The following PRDM10 variants were observed in gnomAD, a reference collection of about 807,000 sequenced individuals.
PRDM10 encodes PR/SET domain 10, also known as PR domain zinc finger protein 10.
PRDM10 carries 65 observed loss-of-function variants against 133.1 expected under a neutral mutation model. The observed-to-expected ratio is 0.49, with a 90% CI of 0.40 to 0.60. PRDM10 has a LOEUF of 0.60. Among genes scored for constraint, PRDM10 ranks in the 20% least tolerant of loss-of-function variants. The pLI, the probability that PRDM10 is intolerant of heterozygous loss-of-function variation, is 0.00. For synonymous variants in PRDM10, 582 were observed against 580.4 expected (o/e 1.00, Z -0.04); for missense variants, 1,137 against 1,507.1 (o/e 0.75, Z 4.07).
chr11:129,903,822 A>G (rs2135702448), intron 20 of PRDM10, among the ~76,000 whole-genome samples: 1 of 152,220 alleles, frequency 6.6e-6, no homozygotes, highest in Admixed American at 6.5e-5. Flanking sequence ...CCTAGGGTCC[A>G]TTGACTCCTA....
intron 4 of PRDM10, among the ~76,000 whole-genome samples, chr11:129,951,769 A>G (rs1951587871): frequency 6.6e-6 from 1 of 152,188 alleles, no homozygotes; most frequent in East Asian, 1.9e-4. Context: ...GGGGAGTCAC[A>G]CATGTTCATT....
chr11:129,929,693 G>A (rs539738355), intron 11 of PRDM10, among the ~76,000 whole-genome samples: 1 of 150,722 alleles, frequency 6.6e-6, no homozygotes, highest in Admixed American at 6.6e-5. Flanking sequence ...AATTACGGCT[G>A]GACTGTGTTT....
intron 4 of PRDM10, among the ~76,000 whole-genome samples, chr11:129,952,354 T>C (rs1311326609): frequency 6.6e-6 from 1 of 152,212 alleles, no homozygotes; most frequent in African/African-American, 2.4e-5. Flanking sequence ...GGCACCCTTG[T>C]ATACTATACT....
intron 1 of PRDM10, among the ~76,000 whole-genome samples, chr11:129,998,624 C>G (rs1939184000): frequency 6.6e-6 from 1 of 152,164 alleles, no homozygotes; most frequent in Non-Finnish European, 1.5e-5. Flanking sequence ...TTCCACTCCA[C>G]TTCCTCACCC....
chr11:129,990,130 G>A (rs1591702917), intron 1 of PRDM10, among the ~76,000 whole-genome samples: 1 of 151,996 alleles, frequency 6.6e-6, no homozygotes, highest in East Asian at 1.9e-4. Context: ...TGGATCACAA[G>A]GTCAGGAGAT....
intron 1 of PRDM10, among the ~76,000 whole-genome samples, chr11:129,979,923 C>T (rs1938010683): frequency 2.0e-5 from 3 of 152,234 alleles, no homozygotes; most frequent in Admixed American, 2.0e-4. Flanking sequence ...AGGCATATGT[C>T]CCCTAACTAA....
Position 129,960,934 on chromosome 11 carries a change from A to T in PRDM10, c.31T>A (p.Trp11Arg), listed in dbSNP as rs1247602974. Reference sequence around the variant, plus strand: ...TGTTCATGCTCTGCAGATGTCGGCCACACATGCGAGCTTTCATCTTTGGAA... The same window carrying T: ...TGTTCATGCTCTGCAGATGTCGGCCTCACATGCGAGCTTTCATCTTTGGAA... Reference protein sequence around the residue: MDSKDESSHVWPTSAEHEQNA... With the variant: MDSKDESSHVRPTSAEHEQNA... Residue 11 changes from tryptophan (W) to arginine (R), a missense_variant, in exon 2 of 21, where the codon TGG (tryptophan) becomes AGG (arginine). By Grantham distance (101) the Trp-to-Arg change is moderately radical (BLOSUM62 -3). Around this residue, in one of 6 missense-constraint regions of PRDM10, gnomAD observed 635 missense variants for 835.2 expected, o/e 0.76. Coordinates refer to ENST00000360871, the MANE Select transcript of PRDM10 (RefSeq NM_199437.2). 2 of 1,614,158 alleles carry T rather than the reference A, an allele frequency of 1.2e-6. No individual in the cohort carries two copies. Among genetic ancestry groups the T allele is most frequent in the Admixed American group, 3.3e-5 (2 of 60,014 alleles).
At chr11:129,938,725 C>T (rs902607278) in intron 7 of PRDM10, among the ~76,000 whole-genome samples, 1 of 152,132 alleles carries the variant, frequency 6.6e-6, no homozygotes, top group Non-Finnish European at 1.5e-5. Context: ...TAACATGTAT[C>T]AATAAAAAGA....
At chr11:129,921,962 G>A (rs576345469) in intron 13 of PRDM10, among the ~76,000 whole-genome samples, 6 of 152,308 alleles carry the variant, frequency 3.9e-5, no homozygotes, top group African/African-American at 1.2e-4. Context: ...GCAGGAGGAA[G>A]TGCTTGGTTC....
chr11:129,984,077 C>A (rs987066626), intron 1 of PRDM10, among the ~76,000 whole-genome samples: 1 of 152,174 alleles, frequency 6.6e-6, no homozygotes, highest in African/African-American at 2.4e-5. Context: ...CCTCCTCTTT[C>A]CCCCTAGGCT....
rs1279313909 is a variant in PRDM10 at position 129,945,155 on chromosome 11, G to A, written c.521-143C>T. On this transcript the variant is annotated intron_variant, in intron 5 of 20. Coordinates refer to ENST00000360871, the MANE Select transcript of PRDM10 (RefSeq NM_199437.2). The surrounding 1 kb of genome is among the most constrained non-coding windows in gnomAD (Gnocchi z 4.2). ...CTCCTAATGGCGCTACCCATTCAACGGTAATACATTCTCTCTGGGAGACCA... is the reference window on the plus strand; with the variant it reads ...CTCCTAATGGCGCTACCCATTCAACAGTAATACATTCTCTCTGGGAGACCA... 3 of 995,158 alleles carry A rather than the reference G, an allele frequency of 3.0e-6. No individual in the cohort carries two copies. Among genetic ancestry groups the A allele is most frequent in the East Asian group, 2.6e-5 (1 of 38,610 alleles). The allele number at this position is 995,158 out of a possible 1,614,324, so 61.6% of individuals were successfully genotyped here.
intron 1 of PRDM10, among the ~76,000 whole-genome samples, chr11:129,991,590 G>C (rs1938749457): frequency 6.6e-6 from 1 of 151,962 alleles, no homozygotes; most frequent in Non-Finnish European, 1.5e-5. Flanking sequence ...AGGCCGAGAG[G>C]GGTGGATCAC....
intron 4 of PRDM10, among the ~76,000 whole-genome samples, chr11:129,949,835 G>A (rs1041509170): frequency 1.3e-5 from 2 of 152,074 alleles, no homozygotes; most frequent in Non-Finnish European, 2.9e-5. Flanking sequence ...TCGGGAGCCT[G>A]AGGCAGAAGA....
At chr11:129,933,734 A>T (rs976843454) in intron 9 of PRDM10, among the ~76,000 whole-genome samples, 2 of 152,302 alleles carry the variant, frequency 1.3e-5, no homozygotes, top group South Asian at 4.1e-4. Context: ...AATATAAAAA[A>T]TGCTACAATA....
intron 1 of PRDM10, among the ~76,000 whole-genome samples, chr11:129,998,395 G>A (rs1939172356): frequency 6.6e-6 from 1 of 152,084 alleles, no homozygotes; most frequent in Non-Finnish European, 1.5e-5. Flanking sequence ...AGGGGGGGAG[G>A]AGGAGGAGCA....
rs541431231 is a variant in PRDM10 at position 129,965,690 on chromosome 11, C to G, written c.-118-4608G>C. ...TTTATTCAACAAGTATTTATTAGTACTTGGTATGTGCCAGGCACTGTTCTA... is the reference window on the plus strand; with the variant it reads ...TTTATTCAACAAGTATTTATTAGTAGTTGGTATGTGCCAGGCACTGTTCTA... On this transcript the variant is annotated intron_variant, in intron 1 of 20. Transcript: ENST00000360871. Among the ~76,000 whole-genome samples, 102 of 151,802 alleles carry G rather than the reference C, an allele frequency of 6.7e-4. 3 individuals carry two copies. The South Asian group carries it at 0.021, about 31-fold the overall frequency.
chr11:129,933,718 CAATAT>C (rs1950940210), intron 9 of PRDM10, among the ~76,000 whole-genome samples: 1 of 152,092 alleles, frequency 6.6e-6, no homozygotes, highest in African/African-American at 2.4e-5. Context: ...CCAAAAATCA[CAATAT>C]AATATAAAAA....
rs1185974485 is a variant in PRDM10, at chr11:129,932,196, C to T, written c.1193G>A (p.Arg398Gln). ...RGRGRGRGKR[R>Q]FGPGRRPGRP... is the part of the protein sequence containing the mutation. Reference sequence around the variant, plus strand: ...CCCCGGCCGTCGACCTGGACCGAATCGCCTCTTGCCTCGTCCCCTTCCTCT... The same window carrying T: ...CCCCGGCCGTCGACCTGGACCGAATTGCCTCTTGCCTCGTCCCCTTCCTCT... Residue 398 changes from arginine to glutamine, a missense_variant, in exon 10 of 21, where the codon CGA becomes CAA. By Grantham distance (43) the Arg-to-Gln change is conservative. Coordinates refer to ENST00000360871, the MANE Select transcript of PRDM10 (RefSeq NM_199437.2). The T allele has an allele frequency of 1.9e-6, 3 of 1,614,082 alleles. No homozygotes were observed. Among genetic ancestry groups the T allele is most frequent in the South Asian group, 1.1e-5 (1 of 91,076 alleles).
chr11:129,977,529 G>A (rs1033285551), intron 1 of PRDM10, among the ~76,000 whole-genome samples: 33 of 152,120 alleles, frequency 2.2e-4, no homozygotes, highest in African/African-American at 7.0e-4. Context: ...TGATCTGCCC[G>A]CCTCGGCCTC....
Sources: gnomAD v4.1 joint callset for allele counts (sites outside exome capture counted in the v4.1 genomes callset) on GRCh38, gnomAD v4.1.1 for gene constraint, gnomAD v4.1.1 regional missense constraint, Gnocchi (gnomAD v3.1) non-coding constraint, MANE v1.5 for transcripts, NCBI Gene and HGNC (gene_info 2026-07-23, HGNC 2026-07-21) for gene names.